The following PRKCQ variants were observed in gnomAD, a reference collection of about 807,000 sequenced individuals.
PRKCQ encodes the protein protein kinase C theta type.
Under a neutral mutation model 91.2 loss-of-function variants are expected in PRKCQ, and 41 were observed. The observed-to-expected ratio is 0.45, with a 90% CI of 0.35 to 0.58. The LOEUF is 0.58. PRKCQ is among the 20% of genes least tolerant of loss of function. The probability of loss-of-function intolerance (pLI) is 0.00; values close to 1 mark genes in which losing one functional copy is unlikely to be tolerated. For missense variants in PRKCQ, 673 were observed against 896.5 expected (o/e 0.75, Z 3.18); for synonymous variants, 307 against 316.9 (o/e 0.97, Z 0.33).
At chr10:6,521,114 T>C (rs1838985271) in intron 1 of PRKCQ, among the ~76,000 whole-genome samples, 1 of 152,182 alleles carries the variant, frequency 6.6e-6, no homozygotes, top group South Asian at 2.1e-4. Flanking sequence ...CCCTACAATG[T>C]GCAGTTGGAT....
In PRKCQ at chr10:6,560,016, C is replaced by T. The variant is rs535848681; in HGVS notation, c.-10+20195G>A. Reference sequence around the variant, plus strand: ...CAAAAAAAAGTAGGCATAGGCTTGACGAGGGTCAGTACCTTTCTCCTTCTC... The same window carrying T: ...CAAAAAAAAGTAGGCATAGGCTTGATGAGGGTCAGTACCTTTCTCCTTCTC... On this transcript the variant is annotated intron_variant, in intron 1 of 17. Coordinates refer to ENST00000263125, the MANE Select transcript of PRKCQ (RefSeq NM_006257.5). Among the ~76,000 whole-genome samples the T allele has an allele frequency of 7.9e-5, 12 of 152,318 alleles. No individual in the cohort carries two copies. In the South Asian group the frequency reaches 2.1e-3, roughly 26 times the overall value.
At chr10:6,426,137 C>T (rs145190942), downstream of PRKCQ, among the ~76,000 whole-genome samples, 1,159 of 152,264 alleles carry the variant, frequency 7.6e-3, 20 homozygotes, top group African/African-American at 0.027. Flanking sequence ...AGATTTAGAA[C>T]CAGAAAGCGC....
intron 1 of PRKCQ, among the ~76,000 whole-genome samples, chr10:6,519,954 G>T (rs1030899692): frequency 6.6e-6 from 1 of 152,136 alleles, no homozygotes; most frequent in Non-Finnish European, 1.5e-5. Context: ...TCTCTTCCCG[G>T]TGTGCAAACT....
intron 11 of PRKCQ, among the ~76,000 whole-genome samples, chr10:6,482,447 G>C (rs189477626): frequency 3.3e-5 from 5 of 152,222 alleles, no homozygotes; most frequent in African/African-American, 1.2e-4. Flanking sequence ...GAGAACACTT[G>C]GATGCAGACA....
chr10:6,570,513 C>A (rs1392758957), intron 1 of PRKCQ, among the ~76,000 whole-genome samples: 1 of 151,048 alleles, frequency 6.6e-6, no homozygotes, highest in East Asian at 1.9e-4. Flanking sequence ...GATTCCAGGG[C>A]CCCAGGGGAG....
chr10:6,540,635 C>A (rs768422793), intron 1 of PRKCQ, among the ~76,000 whole-genome samples: 2 of 152,162 alleles, frequency 1.3e-5, no homozygotes, highest in Non-Finnish European at 2.9e-5. Context: ...GTTTGTTCCT[C>A]TGCTGATGAA....
intron 16 of PRKCQ, among the ~76,000 whole-genome samples, chr10:6,433,334 T>C (rs631968): frequency 0.37 from 55,574 of 152,028 alleles, 11,855 homozygotes; most frequent in African/African-American, 0.6. Context: ...TTGTATCTTT[T>C]TTCCAAGGTT....
chr10:6,497,434 A>G lies in PRKCQ; in HGVS notation c.543-183T>C, dbSNP rs1218587970. Among the ~76,000 whole-genome samples the G allele has an allele frequency of 6.6e-6, 1 of 152,212 alleles. No homozygotes were observed. Among genetic ancestry groups the G allele is most frequent in the African/African-American group, 2.4e-5 (1 of 41,450 alleles). On this transcript the variant is annotated intron_variant, in intron 5 of 17. Transcript: ENST00000263125. The surrounding 1 kb of genome is among the most constrained non-coding windows in gnomAD (Gnocchi z 4.5). ...GTTTTTCATTTGAAGCTGCGTTTTA[A>G]AAAGTTTGATAATTAAATAAATGAG... is the stretch of plus-strand genomic sequence containing the variant.
At position 6,498,413 on chromosome 10, in the gene PRKCQ, G is replaced by C; in HGVS notation, c.525C>G (p.Val175=). 6.2e-7 allele frequency: 1 copy of C among 1,614,178 alleles called. No individual in the cohort carries two copies. The highest frequency in any genetic ancestry group is 8.5e-7 in the Non-Finnish European group (1 of 1,180,034). ...TACTGTACCAGACAAACTCGTGGCAGACAGAGCAAAATGTGGGCTGTGGGA... is the reference window on the plus strand; with the variant it reads ...TACTGTACCAGACAAACTCGTGGCACACAGAGCAAAATGTGGGCTGTGGGA... The part of the protein sequence containing the change: ...TFFPQPTFCS[V]CHEFVWGLNK... Residue 175 remains valine, a synonymous_variant, in exon 5 of 18, where the codon GTC becomes GTG. Coordinates refer to ENST00000263125, the MANE Select transcript of PRKCQ (RefSeq NM_006257.5).
chr10:6,480,532 T>C (rs1434376184), intron 11 of PRKCQ, among the ~76,000 whole-genome samples: 1 of 152,260 alleles, frequency 6.6e-6, no homozygotes, highest in African/African-American at 2.4e-5. Flanking sequence ...ATTCTAGCTC[T>C]AGTTTTATTT....
chr10:6,479,237 C>G, intron 11 of PRKCQ, 72 bp from the exon 12 acceptor site: 1 of 1,545,724 alleles, frequency 6.5e-7, no homozygotes, highest in Non-Finnish European at 8.9e-7. Context: ...AGACAGAGTC[C>G]TGAGAGACAC....
At chr10:6,436,691 T>C (rs1833715497) in intron 16 of PRKCQ, among the ~76,000 whole-genome samples, 1 of 152,224 alleles carries the variant, frequency 6.6e-6, no homozygotes, top group Admixed American at 6.5e-5. Context: ...TGAGATTGGC[T>C]TTTTGCACTC....
the PRKCQ span, among the ~76,000 whole-genome samples, chr10:6,394,265 G>A: frequency 6.6e-6 from 1 of 152,150 alleles, no homozygotes; most frequent in Non-Finnish European, 1.5e-5. Context: ...TGCCTTTGTT[G>A]TCGTAAGTGT....
At chr10:6,564,348 C>T (rs1043109178) in intron 1 of PRKCQ, among the ~76,000 whole-genome samples, 6 of 152,060 alleles carry the variant, frequency 3.9e-5, no homozygotes, top group African/African-American at 1.5e-4. Flanking sequence ...TACTATTGCT[C>T]GATGGCGTTT....
intron 1 of PRKCQ, among the ~76,000 whole-genome samples, chr10:6,577,550 C>CAT (rs1196195798): frequency 6.6e-6 from 1 of 152,052 alleles, no homozygotes; most frequent in African/African-American, 2.4e-5. Flanking sequence ...TACACACACA[C>CAT]ATACACACAC....
chr10:6,515,370 C>A, intron 1 of PRKCQ: 1 of 1,458,258 alleles, frequency 6.9e-7, no homozygotes. Context: ...TGGAAGTCTG[C>A]ACTCAACCTT....
In PRKCQ at chr10:6,430,722, G is replaced by T. The variant is rs912560199; in HGVS notation, c.1965+88C>A. On this transcript the variant is annotated intron_variant, in intron 17 of 17. Transcript: ENST00000263125. The surrounding 1 kb of genome is among the most constrained non-coding windows in gnomAD (Gnocchi z 4.7). The stretch of plus-strand genomic sequence containing the variant: ...GTGGGGAGTTGGGGCACCGGCAGGG[G>T]TGAGCAGCTGCGGTGACTTGGACAG... 6.5e-7 allele frequency: 1 copy of T among 1,540,770 alleles called. No individual in the cohort carries two copies. Among genetic ancestry groups the T allele is most frequent in the African/African-American group, 1.4e-5 (1 of 73,522 alleles).
intron 1 of PRKCQ, among the ~76,000 whole-genome samples, chr10:6,550,799 A>G (rs965160973): frequency 6.6e-6 from 1 of 152,226 alleles, no homozygotes; most frequent in African/African-American, 2.4e-5. Context: ...TGATTCCCAT[A>G]GCAGCTATAC....
intron 1 of PRKCQ, among the ~76,000 whole-genome samples, chr10:6,560,169 ACTGC>A (rs1445380346): frequency 2.0e-5 from 3 of 152,110 alleles, no homozygotes; most frequent in Non-Finnish European, 4.4e-5. Context: ...TCTCTTTGTT[ACTGC>A]CTAAGCCACC....
Sources: allele counts gnomAD v4.1 joint callset (sites outside exome capture counted in the v4.1 genomes callset), GRCh38; gene constraint gnomAD v4.1.1; non-coding constraint Gnocchi (gnomAD v3.1); transcripts MANE v1.5; gene names NCBI Gene and HGNC (gene_info 2026-07-23, HGNC 2026-07-21).